OPCML: variants seen among roughly 807,000 people sequenced by gnomAD.
OPCML encodes opioid-binding protein/cell adhesion molecule.
Under a neutral mutation model 37.8 loss-of-function variants are expected in OPCML, and 13 were observed. The ratio of observed to expected loss-of-function variants is 0.34; its 90% CI spans 0.22 to 0.55. The LOEUF (loss-of-function observed/expected upper bound fraction) is 0.55. OPCML is among the 20% of genes least tolerant of loss of function. OPCML has a pLI of 0.91. For synonymous variants in OPCML, 176 were observed against 168.8 expected (o/e 1.04, Z -0.33); for missense variants, 341 against 435.6 (o/e 0.78, Z 1.93).
chr11:132,591,727 G>A (rs760166131), intron 3 of OPCML, among the ~76,000 whole-genome samples: 3 of 152,200 alleles, frequency 2.0e-5, no homozygotes, highest in African/African-American at 4.8e-5. Context: ...GAGACGTTAC[G>A]TAGATGCTGA....
intron 1 of OPCML, among the ~76,000 whole-genome samples, chr11:133,486,284 C>A (rs575189989): frequency 6.6e-6 from 1 of 152,114 alleles, no homozygotes; most frequent in Non-Finnish European, 1.5e-5. Flanking sequence ...CTGTTTCATT[C>A]TTTCCTCAAC....
intron 2 of OPCML, among the ~76,000 whole-genome samples, chr11:132,681,872 G>A (rs1290403890): frequency 5.3e-5 from 8 of 151,888 alleles, no homozygotes; most frequent in South Asian, 4.2e-4. Flanking sequence ...GGAGAATGGC[G>A]TGAACCCGGG....
intron 1 of OPCML, among the ~76,000 whole-genome samples, chr11:133,246,065 A>G (rs1467239199): frequency 6.6e-6 from 1 of 152,184 alleles, no homozygotes; most frequent in Non-Finnish European, 1.5e-5. Flanking sequence ...GCCATGGCAC[A>G]TGTATACCTA....
chr11:133,510,061 C>G (rs1591582293), intron 1 of OPCML, among the ~76,000 whole-genome samples: 1 of 152,278 alleles, frequency 6.6e-6, no homozygotes, highest in East Asian at 1.9e-4. Flanking sequence ...ATCTGACACT[C>G]CTAACACTGC....
In OPCML at chr11:133,136,828, CGTGTGTGTGTGTGT is replaced by C. The variant is rs141952561; in HGVS notation, c.62-193832_62-193819del. ...AATACCACTGCAGTTTCTATGTGCA[CGTGTGTGTGTGTGT>C]GTGTGTGTGTGTGTGTGTGTGTGTG... On this transcript the variant is annotated intron_variant, in intron 1 of 7. Coordinates refer to ENST00000524381, the MANE Select transcript of OPCML (RefSeq NM_001012393.5). 9.6e-3 allele frequency among the ~76,000 whole-genome samples: 1,210 copies of C among 126,372 alleles called. 8 individuals carry two copies. Among genetic ancestry groups the C allele is most frequent in the Middle Eastern group, 0.025 (6 of 244 alleles). The allele number at this position is 126,372 out of a possible 152,430, so 82.9% of individuals were successfully genotyped here.
chr11:132,786,071 A>T (rs1330342666), intron 2 of OPCML, among the ~76,000 whole-genome samples: 1 of 152,164 alleles, frequency 6.6e-6, no homozygotes, highest in African/African-American at 2.4e-5. Context: ...CATCCTCCAC[A>T]GCATCTCAGC....
chr11:133,159,887 C>T (rs1235122342), intron 1 of OPCML, among the ~76,000 whole-genome samples: 1 of 152,202 alleles, frequency 6.6e-6, no homozygotes, highest in Non-Finnish European at 1.5e-5. Context: ...ACATTTGTTA[C>T]CTGGCTTCCT....
chr11:132,542,290 G>T (rs1591528149), intron 3 of OPCML, among the ~76,000 whole-genome samples: 1 of 152,140 alleles, frequency 6.6e-6, no homozygotes, highest in Non-Finnish European at 1.5e-5. Context: ...GCCCCTCCTT[G>T]TCTCCATCAG....
chr11:133,444,831 TC>T lies in OPCML; in HGVS notation c.61+87432del, dbSNP rs761176146. Among the ~76,000 whole-genome samples, 365 of 150,060 alleles carry T rather than the reference TC, an allele frequency of 2.4e-3. 2 individuals carry two copies. The highest frequency in any genetic ancestry group is 3.1e-3 in the Non-Finnish European group (212 of 67,994). ...TTGCATGCAGCTGTATCCATGGTGATCCTGGATGGTGGATGGAGACCACCAT... is the reference window on the plus strand; with the variant it reads ...TTGCATGCAGCTGTATCCATGGTGATCTGGATGGTGGATGGAGACCACCAT... On this transcript the variant is annotated intron_variant, in intron 1 of 7. Coordinates refer to ENST00000524381, the MANE Select transcript of OPCML (RefSeq NM_001012393.5).
rs117787089 is a variant in OPCML at position 132,640,487 on chromosome 11, T to C, written c.379+16600A>G. Reference sequence around the variant, plus strand: ...CACACATATGCCTGAATCAATTTGTTTGAGTTCTCTCCAACCAAATATTGT... The same window carrying C: ...CACACATATGCCTGAATCAATTTGTCTGAGTTCTCTCCAACCAAATATTGT... On this transcript the variant is annotated intron_variant, in intron 3 of 7. Transcript: ENST00000524381. 4.2e-3 allele frequency among the ~76,000 whole-genome samples: 646 copies of C among 152,318 alleles called. 9 individuals are homozygous for C. The highest frequency in any genetic ancestry group is 0.028 in the South Asian group (135 of 4,828).
At chr11:133,157,849 G>A (rs989193809) in intron 1 of OPCML, among the ~76,000 whole-genome samples, 1 of 152,214 alleles carries the variant, frequency 6.6e-6, no homozygotes, top group Non-Finnish European at 1.5e-5. Flanking sequence ...CCTCTTCTGC[G>A]TTGATGCAAG....
intron 1 of OPCML, among the ~76,000 whole-genome samples, chr11:133,404,981 CTGTG>C (rs1945495392): frequency 6.6e-6 from 1 of 152,208 alleles, no homozygotes; most frequent in South Asian, 2.1e-4. Context: ...TTCATTATGT[CTGTG>C]TATTTTCCAC....
chr11:133,529,792 A>G (rs911857728), intron 1 of OPCML, among the ~76,000 whole-genome samples: 1 of 152,208 alleles, frequency 6.6e-6, no homozygotes, highest in South Asian at 2.1e-4. Context: ...ACAAAGAAAA[A>G]AAAGTCTAAA....
At chr11:132,801,978 C>A (rs1938677216) in intron 2 of OPCML, among the ~76,000 whole-genome samples, 1 of 152,086 alleles carries the variant, frequency 6.6e-6, no homozygotes, top group African/African-American at 2.4e-5. Context: ...TCTCTCCCAC[C>A]AGAATTGTCA....
intron 1 of OPCML, among the ~76,000 whole-genome samples, chr11:133,526,868 G>A (rs759668309): frequency 3.9e-5 from 6 of 152,198 alleles, no homozygotes; most frequent in African/African-American, 1.4e-4. Context: ...GAGCAGAGCC[G>A]CCCCAAGGTG....
chr11:133,270,778 G>A (rs755633636), intron 1 of OPCML, among the ~76,000 whole-genome samples: 7 of 152,142 alleles, frequency 4.6e-5, no homozygotes, highest in Non-Finnish European at 1.0e-4. Context: ...TGCGACACGT[G>A]TGACTCATTC....
rs184824883 is a variant in OPCML at position 132,631,626 on chromosome 11, A to T, written c.379+25461T>A. Among the ~76,000 whole-genome samples, 1,113 of 145,400 alleles carry T rather than the reference A, an allele frequency of 7.7e-3. 13 individuals carry two copies. The highest frequency in any genetic ancestry group is 0.027 in the African/African-American group (1,063 of 39,962). On this transcript the variant is annotated intron_variant, in intron 3 of 7. Transcript: ENST00000524381. ...AGGCGCCCGCCACCACGCCCGGCTA[A>T]TTTTTTTTTTTTATTTTTAGTAGAG...
intron 2 of OPCML, among the ~76,000 whole-genome samples, chr11:132,814,816 T>C (rs1170508310): frequency 6.6e-6 from 1 of 152,132 alleles, no homozygotes; most frequent in Non-Finnish European, 1.5e-5. Flanking sequence ...CAGACTCCAA[T>C]GAAATAGAAG....
chr11:133,126,598 A>G (rs1270680483), intron 1 of OPCML, among the ~76,000 whole-genome samples: 1 of 152,194 alleles, frequency 6.6e-6, no homozygotes, highest in Non-Finnish European at 1.5e-5. Flanking sequence ...AGACATTATT[A>G]AAGAATGGAT....
Sources: allele counts gnomAD v4.1 joint callset (sites outside exome capture counted in the v4.1 genomes callset), GRCh38; gene constraint gnomAD v4.1.1; transcripts MANE v1.5; gene names NCBI Gene and HGNC (gene_info 2026-07-23, HGNC 2026-07-21).